Variants in ZMYM4 observed in about 807,000 individuals in gnomAD.
ZMYM4 encodes zinc finger MYM-type protein 4.
ZMYM4 carries 31 observed loss-of-function variants against 183.2 expected under a neutral mutation model. The observed-to-expected ratio is 0.17, with a 90% CI of 0.13 to 0.23. The LOEUF is 0.23. Among genes scored for constraint, ZMYM4 ranks in the 10% least tolerant of loss-of-function variants. The probability of loss-of-function intolerance (pLI) is 1.00; values close to 1 mark genes in which losing one functional copy is unlikely to be tolerated. For missense variants in ZMYM4, 1,273 were observed against 1,840.3 expected (o/e 0.69, Z 5.64); for synonymous variants, 592 against 631.2 (o/e 0.94, Z 0.93).
intron 1 of ZMYM4, chr1:35,309,056 T>C (rs564446830): frequency 1.0e-6 from 1 of 985,192 alleles, no homozygotes; most frequent in Admixed American, 6.2e-5. Context: ...GGAGAAATGG[T>C]GGGTGGGTTT....
intron 7 of ZMYM4, among the ~76,000 whole-genome samples, chr1:35,378,352 A>T (rs190026836): frequency 7.0e-4 from 106 of 152,298 alleles, no homozygotes; most frequent in African/African-American, 2.5e-3. Flanking sequence ...AAGCTTTTTA[A>T]TTTCCTTTGG....
intron 15 of ZMYM4, among the ~76,000 whole-genome samples, chr1:35,391,194 A>G (rs937762038): frequency 2.4e-4 from 37 of 152,348 alleles, no homozygotes; most frequent in African/African-American, 8.4e-4. Context: ...AGCACAGCAG[A>G]GAAGGGGAAG....
In ZMYM4 at chr1:35,396,545, C is replaced by T. The variant is rs2149003410; in HGVS notation, c.2912-7C>T. On this transcript the variant is annotated splice_polypyrimidine_tract_variant and splice_region_variant and intron_variant, in intron 18 of 29. Transcript: ENST00000314607. ...GCTTTTTGTGATTTTGTTGTTGTTA[C>T]TGTTAGAAGACACTCCAAGTCAGCC... 1.9e-6 allele frequency: 3 copies of T among 1,612,348 alleles called. No individual in the cohort carries two copies. The highest frequency in any genetic ancestry group is 3.3e-4 in the Middle Eastern group (2 of 6,048).
At chr1:35,379,361 A>C (rs926613705) in intron 7 of ZMYM4, among the ~76,000 whole-genome samples, 1 of 152,114 alleles carries the variant, frequency 6.6e-6, no homozygotes, top group Non-Finnish European at 1.5e-5. Context: ...GACCTCCCAA[A>C]GTGCTGGGAT....
At position 35,306,759 on chromosome 1, in the gene ZMYM4, T is replaced by A. The variant is rs6684565; in HGVS notation, c.40-18601T>A. Among the ~76,000 whole-genome samples the A allele has an allele frequency of 3.5e-3, 533 of 152,330 alleles. 6 individuals carry two copies. Among genetic ancestry groups the A allele is most frequent in the South Asian group, 0.016 (78 of 4,830 alleles). On this transcript the variant is annotated intron_variant, in intron 1 of 29. Coordinates refer to ENST00000314607, the MANE Select transcript of ZMYM4 (RefSeq NM_005095.3). Reference sequence around the variant, plus strand: ...CATTTCTTCTGTTGTGGACCTCCTCTACTAAAACTTTCTTACCTTTCCCTA... The same window carrying A: ...CATTTCTTCTGTTGTGGACCTCCTCAACTAAAACTTTCTTACCTTTCCCTA...
intron 22 of ZMYM4, 88 bp from the exon 23 acceptor site, chr1:35,399,394 A>G: frequency 8.4e-7 from 1 of 1,189,518 alleles, no homozygotes; most frequent in Non-Finnish European, 1.2e-6. Flanking sequence ...TATAGTGATG[A>G]TTACCTGATA....
intron 1 of ZMYM4, among the ~76,000 whole-genome samples, chr1:35,302,378 CTTTTTTTTTTTTT>C (rs1179477732): frequency 1.2e-5 from 1 of 86,180 alleles, no homozygotes; most frequent in Admixed American, 1.3e-4. Context: ...GCTAATTTGA[CTTTTTTTTTTTTT>C]TTTTTTTTTT....
intron 1 of ZMYM4, among the ~76,000 whole-genome samples, chr1:35,318,526 C>T (rs998861863): frequency 2.6e-5 from 4 of 151,418 alleles, no homozygotes; most frequent in Admixed American, 6.6e-5. Flanking sequence ...GGCATAATCT[C>T]GGCTCACTGC....
rs34277367 is a variant in ZMYM4 at position 35,394,162 on chromosome 1, C to CTTTTTTTTTTTTTTT, written c.2911+439_2911+453dup. 6.4e-4 allele frequency among the ~76,000 whole-genome samples: 44 copies of CTTTTTTTTTTTTTTT among 68,430 alleles called. 6 individuals are homozygous for CTTTTTTTTTTTTTTT. The highest frequency in any genetic ancestry group is 5.5e-3 in the East Asian group (11 of 1,982). The allele number at this position is 68,430 out of a possible 152,430, so 44.9% of individuals were successfully genotyped here. A position where few individuals can be genotyped will look rare whatever the true frequency, so the allele number is the denominator to read the frequency against. On this transcript the variant is annotated intron_variant, in intron 18 of 29. Coordinates refer to ENST00000314607, the MANE Select transcript of ZMYM4 (RefSeq NM_005095.3). ...CCTTTGAGGAGAGCTTCAGAGCTTT[C>CTTTTTTTTTTTTTTT]TTTTTTTTTTTTTTTTTTTTTTTTT...
intron 1 of ZMYM4, among the ~76,000 whole-genome samples, chr1:35,288,386 T>A (rs1640606954): frequency 6.6e-6 from 1 of 152,048 alleles, no homozygotes; most frequent in African/African-American, 2.4e-5. Flanking sequence ...TTGGTCAGAG[T>A]TTTTTCCTGT....
chr1:35,396,608 G>A lies in ZMYM4; in HGVS notation c.2968G>A (p.Val990Ile). The A allele has an allele frequency of 6.2e-7, 1 of 1,613,854 alleles. No individual in the cohort carries two copies. Among genetic ancestry groups the A allele is most frequent in the Non-Finnish European group, 8.5e-7 (1 of 1,179,806 alleles). Residue 990 changes from valine (V) to isoleucine (I), a missense_variant, in exon 19 of 30, where the codon GTT becomes ATT. Val to Ile is a conservative substitution (Grantham distance 29). This residue lies in a region of ZMYM4 where 290 missense variants were observed against 353.3 expected (regional missense o/e 0.82). Coordinates refer to ENST00000314607, the MANE Select transcript of ZMYM4 (RefSeq NM_005095.3). Reference sequence around the variant, plus strand: ...GGTGCCAGTTCCCGTACCAGTGTTTGTTCCCATACCTCTTCACCTTTATAC... The same window carrying A: ...GGTGCCAGTTCCCGTACCAGTGTTTATTCCCATACCTCTTCACCTTTATAC... The part of the protein sequence containing the change: ...IVVPVPVPVF[V>I]PIPLHLYTQY...
intron 1 of ZMYM4, among the ~76,000 whole-genome samples, chr1:35,290,124 C>T (rs12561772): frequency 0.063 from 9,634 of 152,056 alleles, 920 homozygotes; most frequent in East Asian, 0.44. Context: ...CGCACTACCA[C>T]GCCCAGCTAA....
intron 1 of ZMYM4, among the ~76,000 whole-genome samples, chr1:35,290,304 T>G: frequency 6.6e-6 from 1 of 152,248 alleles, no homozygotes; most frequent in Non-Finnish European, 1.5e-5. Flanking sequence ...AAAAATCATA[T>G]TTTATTCAGC....
At chr1:35,317,045 C>G (rs1642075656) in intron 1 of ZMYM4, among the ~76,000 whole-genome samples, 2 of 151,360 alleles carry the variant, frequency 1.3e-5, no homozygotes, top group South Asian at 4.2e-4. Flanking sequence ...TCACTTGAAT[C>G]TGGGAGGTGG....
Position 35,359,050 on chromosome 1 carries a change from G to A in ZMYM4, c.211G>A (p.Asp71Asn). ...GSENSLLDED[D>N]YFLNSGDLAG... is the part of the protein sequence containing the mutation. ...TGAAAATTCATTGCTGGATGAAGAT[G>A]ATTATTTTTTGAACTCTGGGGATCT... is the stretch of plus-strand genomic sequence containing the variant. The change falls in exon 3 of 30, where the codon GAT becomes AAT. Residue 71 changes from aspartate (D) to asparagine (N), a missense_variant. This residue lies in a region of ZMYM4 where 384 missense variants were observed against 465.6 expected (regional missense o/e 0.82). Coordinates refer to ENST00000314607, the MANE Select transcript of ZMYM4 (RefSeq NM_005095.3). 1.2e-6 allele frequency: 2 copies of A among 1,613,736 alleles called. No individual in the cohort carries two copies. Among genetic ancestry groups the A allele is most frequent in the South Asian group, 2.2e-5 (2 of 91,064 alleles).
At chr1:35,320,325 A>G (rs1642228865) in intron 1 of ZMYM4, among the ~76,000 whole-genome samples, 1 of 152,216 alleles carries the variant, frequency 6.6e-6, no homozygotes, top group African/African-American at 2.4e-5. Flanking sequence ...CCCAAAGGCA[A>G]GGTTCAGAAA....
chr1:35,415,999 C>CA (rs1640099858), intron 28 of ZMYM4, among the ~76,000 whole-genome samples: 1 of 152,148 alleles, frequency 6.6e-6, no homozygotes, highest in South Asian at 2.1e-4. Context: ...TTAAAAAATA[C>CA]AAACAGGGTT....
chr1:35,327,802 C>T (rs1043291433), intron 2 of ZMYM4, among the ~76,000 whole-genome samples: 3 of 152,112 alleles, frequency 2.0e-5, no homozygotes, highest in South Asian at 2.1e-4. Context: ...TATATTCCCA[C>T]GATTTTTAAT....
Position 35,302,762 on chromosome 1 carries a change from C to T in ZMYM4, c.40-22598C>T, listed in dbSNP as rs115677649. Among the ~76,000 whole-genome samples, 779 of 152,000 alleles carry T rather than the reference C, an allele frequency of 5.1e-3. 5 individuals are homozygous for T. Among genetic ancestry groups the T allele is most frequent in the African/African-American group, 0.018 (741 of 41,456 alleles). ...TCTCAAACTTCTGGGCTTATGTGAT[C>T]CTCCAGCCTTGACCTCCTAAAGTGC... On this transcript the variant is annotated intron_variant, in intron 1 of 29. Coordinates refer to ENST00000314607, the MANE Select transcript of ZMYM4 (RefSeq NM_005095.3).
Sources: allele counts gnomAD v4.1 joint callset (sites outside exome capture counted in the v4.1 genomes callset), GRCh38; gene constraint gnomAD v4.1.1; regional missense constraint gnomAD v4.1.1; transcripts MANE v1.5; gene names NCBI Gene and HGNC (gene_info 2026-07-23, HGNC 2026-07-21).